Variants in SEMA3A observed in about 807,000 individuals in gnomAD.
SEMA3A encodes semaphorin 3A.
A neutral mutation model predicts 97.9 loss-of-function variants in SEMA3A; 29 were observed. The observed-to-expected ratio is 0.30, with a 90% CI of 0.22 to 0.40. SEMA3A has a LOEUF of 0.40. Ranked by LOEUF, SEMA3A falls within the 10% of genes least tolerant of loss-of-function variation. The probability of loss-of-function intolerance (pLI) is 1.00; values close to 1 mark genes in which losing one functional copy is unlikely to be tolerated. For synonymous variants in SEMA3A, 321 were observed against 323.7 expected (o/e 0.99, Z 0.09); for missense variants, 763 against 951.3 (o/e 0.80, Z 2.60).
At chr7:84,223,088 A>G (rs1798916395) in intron 3 of SEMA3A, among the ~76,000 whole-genome samples, 1 of 151,882 alleles carries the variant, frequency 6.6e-6, no homozygotes, top group Admixed American at 6.6e-5. Context: ...GATGTGGACT[A>G]AGAAAAGATT....
At chr7:84,225,279 T>G (rs1464291020) in intron 3 of SEMA3A, among the ~76,000 whole-genome samples, 1 of 152,090 alleles carries the variant, frequency 6.6e-6, no homozygotes, top group Non-Finnish European at 1.5e-5. Context: ...AGCATGTAAT[T>G]CAATAATTAA....
chr7:83,965,645 TATATATATATATATA>T (rs1788647529), intron 15 of SEMA3A, among the ~76,000 whole-genome samples: 3 of 10,036 alleles, frequency 3.0e-4, no homozygotes, highest in African/African-American at 1.3e-3. Context: ...TATATATATA[TATATATATATATATA>T]TATATATTTT....
intron 4 of SEMA3A, among the ~76,000 whole-genome samples, chr7:84,081,345 C>G (rs1794149835): frequency 6.6e-6 from 1 of 152,108 alleles, no homozygotes; most frequent in South Asian, 2.1e-4. Flanking sequence ...GTAATCCCAG[C>G]ACTTTGGGAG....
intron 1 of SEMA3A, among the ~76,000 whole-genome samples, chr7:84,147,106 C>T (rs1796485962): frequency 6.6e-6 from 1 of 152,134 alleles, no homozygotes; most frequent in Non-Finnish European, 1.5e-5. Flanking sequence ...AAAGAAAGCA[C>T]ATGTTTTCTG....
At chr7:84,157,765 A>G (rs1796889296) in intron 1 of SEMA3A, among the ~76,000 whole-genome samples, 1 of 152,154 alleles carries the variant, frequency 6.6e-6, no homozygotes, top group Non-Finnish European at 1.5e-5. Flanking sequence ...CCCTAGTTGA[A>G]GACACTCTTC....
At chr7:84,207,000 T>C (rs1270455479) in intron 3 of SEMA3A, among the ~76,000 whole-genome samples, 1 of 152,218 alleles carries the variant, frequency 6.6e-6, no homozygotes, top group Non-Finnish European at 1.5e-5. Flanking sequence ...ATCCTAATTA[T>C]AGGCACCCAA....
At chr7:84,080,547 C>A (rs1317376203) in intron 4 of SEMA3A, among the ~76,000 whole-genome samples, 1 of 150,262 alleles carries the variant, frequency 6.7e-6, no homozygotes, top group Non-Finnish European at 1.5e-5. Flanking sequence ...TTATAATTTG[C>A]AGCTTATAAT....
At chr7:84,290,089 G>C (rs1800703778) in intron 3 of SEMA3A, among the ~76,000 whole-genome samples, 1 of 152,096 alleles carries the variant, frequency 6.6e-6, no homozygotes, top group Non-Finnish European at 1.5e-5. Flanking sequence ...GCTTGCTTAG[G>C]GTGAGAAGTG....
intron 1 of SEMA3A, among the ~76,000 whole-genome samples, chr7:84,435,163 T>C (rs1020061776): frequency 6.6e-5 from 10 of 151,932 alleles, no homozygotes; most frequent in Admixed American, 2.0e-4. Flanking sequence ...AGTTTCAGGA[T>C]ACAAAATTAA....
At chr7:84,071,037 T>C (rs1793721065) in intron 4 of SEMA3A, among the ~76,000 whole-genome samples, 1 of 152,142 alleles carries the variant, frequency 6.6e-6, no homozygotes, top group Admixed American at 6.6e-5. Flanking sequence ...AAGAGATCCT[T>C]CTGCAGATCA....
intron 1 of SEMA3A, among the ~76,000 whole-genome samples, chr7:84,450,438 C>A (rs1216229131): frequency 6.6e-6 from 1 of 152,150 alleles, no homozygotes; most frequent in Non-Finnish European, 1.5e-5. Flanking sequence ...GGACCTTCTG[C>A]AACTCTTGAC....
chr7:84,430,682 T>A (rs1304985840), intron 1 of SEMA3A, among the ~76,000 whole-genome samples: 3 of 151,928 alleles, frequency 2.0e-5, no homozygotes, highest in African/African-American at 7.2e-5. Flanking sequence ...GATGAATATT[T>A]GGGAAACAGG....
intron 2 of SEMA3A, among the ~76,000 whole-genome samples, chr7:84,308,307 A>T (rs1368377140): frequency 5.3e-5 from 8 of 152,194 alleles, no homozygotes. Context: ...TTAAGCAAAG[A>T]ATTTATGCTA....
At chr7:84,132,713 T>TCACC (rs2116035653) in intron 2 of SEMA3A, among the ~76,000 whole-genome samples, 1 of 117,426 alleles carries the variant, frequency 8.5e-6, no homozygotes, top group South Asian at 2.9e-4. Flanking sequence ...TCTCGCTCTG[T>TCACC]CACCCAGGCT....
chr7:84,478,120 C>A (rs1806349166), intron 1 of SEMA3A, among the ~76,000 whole-genome samples: 1 of 152,076 alleles, frequency 6.6e-6, no homozygotes, highest in Non-Finnish European at 1.5e-5. Flanking sequence ...TAAGAGAGAC[C>A]CTCCCCTGCC....
chr7:84,159,530 A>C (rs1796960469), intron 1 of SEMA3A, among the ~76,000 whole-genome samples: 1 of 152,204 alleles, frequency 6.6e-6, no homozygotes, highest in Admixed American at 6.5e-5. Context: ...AAACTCCTAC[A>C]TAAAGCTCTG....
intron 2 of SEMA3A, among the ~76,000 whole-genome samples, chr7:84,330,232 G>A (rs1466376138): frequency 1.3e-5 from 2 of 151,874 alleles, no homozygotes; most frequent in Non-Finnish European, 2.9e-5. Flanking sequence ...ACCTGCACAT[G>A]TACCCCTGAA....
intron 3 of SEMA3A, among the ~76,000 whole-genome samples, chr7:84,288,623 G>A (rs529748425): frequency 1.1e-4 from 16 of 152,006 alleles, no homozygotes; most frequent in Non-Finnish European, 1.5e-4. Flanking sequence ...GCTTGAACCC[G>A]GGAGGTGGAG....
At chr7:83,973,954 T>C (rs1446206132) in intron 15 of SEMA3A, among the ~76,000 whole-genome samples, 1 of 151,952 alleles carries the variant, frequency 6.6e-6, no homozygotes, top group Non-Finnish European at 1.5e-5. Flanking sequence ...TGGCCCATTC[T>C]TAGTGAGAAA....
Sources: gnomAD v4.1 joint callset for allele counts (sites outside exome capture counted in the v4.1 genomes callset) on GRCh38, gnomAD v4.1.1 for gene constraint, MANE v1.5 for transcripts, NCBI Gene and HGNC (gene_info 2026-07-23, HGNC 2026-07-21) for gene names.